Variants in CCDC141 observed in about 807,000 individuals in gnomAD.
CCDC141 encodes coiled-coil domain containing 141.
In CCDC141, 168 loss-of-function variants were observed where a neutral mutation model predicts 181.0. The ratio of observed to expected loss-of-function variants is 0.93; its 90% CI spans 0.82 to 1.05. CCDC141 has a LOEUF of 1.05. CCDC141 is among the 50% of genes least tolerant of loss of function. The pLI is 0.00. For synonymous variants in CCDC141, 666 were observed against 642.3 expected (o/e 1.04, Z -0.56); for missense variants, 1,902 against 1,788.5 (o/e 1.06, Z -1.14).
At chr2:178,966,190 C>A (rs781182871) in intron 4 of CCDC141, among the ~76,000 whole-genome samples, 4 of 152,230 alleles carry the variant, frequency 2.6e-5, no homozygotes, top group African/African-American at 7.2e-5. Context: ...ATGGGCGAAG[C>A]TTCAGCAGAC....
intron 2 of CCDC141, among the ~76,000 whole-genome samples, chr2:178,979,939 G>A (rs12469187): frequency 0.97 from 148,450 of 152,294 alleles, 72,449 homozygotes; most frequent in Middle Eastern, 1. Flanking sequence ...GATAAAATAC[G>A]TAGTATTAGA....
chr2:178,945,926 A>G (rs969120605), intron 5 of CCDC141, among the ~76,000 whole-genome samples: 6 of 152,036 alleles, frequency 3.9e-5, no homozygotes, highest in Non-Finnish European at 8.8e-5. Flanking sequence ...TATAGGGCTG[A>G]TATCACAAAG....
At chr2:178,907,268 T>C (rs776804552) in intron 7 of CCDC141, among the ~76,000 whole-genome samples, 3 of 152,198 alleles carry the variant, frequency 2.0e-5, no homozygotes, top group Non-Finnish European at 2.9e-5. Context: ...ATTATATGAC[T>C]GGGAAAACTG....
chr2:178,865,699 T>C lies in CCDC141; in HGVS notation c.2724+68A>G, dbSNP rs1004475662. On this transcript the variant is annotated intron_variant, in intron 17 of 23. Coordinates refer to ENST00000443758, the MANE Select transcript of CCDC141 (RefSeq NM_173648.4). The stretch of plus-strand genomic sequence containing the variant: ...TGGGAGTGTGCACAAATGTGGACAT[T>C]TAGACACATGCTTTAGGTTCAAACA... 9 of 1,363,488 alleles carry C rather than the reference T, an allele frequency of 6.6e-6. No individual in the cohort carries two copies. The African/African-American group carries it at 8.9e-5, about 13-fold the overall frequency. 84.5% of individuals were successfully genotyped at this position (1,363,488 alleles called of 1,614,324 possible). A position where few individuals can be genotyped will look rare whatever the true frequency, so the allele number is the denominator to read the frequency against.
At chr2:179,005,568 T>C (rs1055513039) in intron 2 of CCDC141, among the ~76,000 whole-genome samples, 1 of 152,166 alleles carries the variant, frequency 6.6e-6, no homozygotes, top group Non-Finnish European at 1.5e-5. Flanking sequence ...ACTACAAGAC[T>C]GTGTGGGACC....
intron 6 of CCDC141, among the ~76,000 whole-genome samples, chr2:178,923,248 G>A (rs1688778813): frequency 6.6e-6 from 1 of 150,394 alleles, no homozygotes; most frequent in South Asian, 2.1e-4. Flanking sequence ...GGGACTACAG[G>A]CGCCCGCCAC....
chr2:178,939,521 C>T (rs1689421955), intron 6 of CCDC141, among the ~76,000 whole-genome samples: 1 of 151,984 alleles, frequency 6.6e-6, no homozygotes, highest in South Asian at 2.1e-4. Context: ...GAAAATAGTA[C>T]CCTCAGTCCA....
chr2:178,888,888 T>G (rs1687014651), intron 8 of CCDC141, among the ~76,000 whole-genome samples: 1 of 152,210 alleles, frequency 6.6e-6, no homozygotes, highest in African/African-American at 2.4e-5. Context: ...TATGGGTTTT[T>G]GCAACAAGGT....
chr2:178,853,051 T>C (rs1685232096), intron 20 of CCDC141, among the ~76,000 whole-genome samples: 1 of 152,250 alleles, frequency 6.6e-6, no homozygotes, highest in African/African-American at 2.4e-5. Context: ...TTATGTCTTC[T>C]TAAAGTATTA....
At chr2:179,028,754 A>T (rs2042924743) in intron 2 of CCDC141, among the ~76,000 whole-genome samples, 1 of 152,210 alleles carries the variant, frequency 6.6e-6, no homozygotes, top group South Asian at 2.1e-4. Context: ...TGTTGCTATA[A>T]CAAAACCTTT....
Position 178,837,075 on chromosome 2 carries a change from A to G in CCDC141, c.4144T>C (p.Tyr1382His), listed in dbSNP as rs1408506484. Residue 1382 changes from tyrosine to histidine, a missense_variant, in exon 23 of 24, where the codon TAT (tyrosine) becomes CAT (histidine). Transcript: ENST00000443758. ...TCTCGAGGAACCATTTGCCTCTGAT[A>G]GCCCCTGCTGGTGCCTGATTGAAAC... ...LRFQSGTSRG[Y>H]QRQMVPREEI... 1 of 1,614,006 alleles carries G rather than the reference A, an allele frequency of 6.2e-7. No homozygotes were observed. The highest frequency in any genetic ancestry group is 1.7e-5 in the Admixed American group (1 of 59,998).
At chr2:178,921,037 C>T (rs2154374860) in intron 6 of CCDC141, among the ~76,000 whole-genome samples, 2 of 152,188 alleles carry the variant, frequency 1.3e-5, no homozygotes, top group East Asian at 3.9e-4. Flanking sequence ...AGAGGCAGTA[C>T]CAGGACTAGT....
intron 5 of CCDC141, among the ~76,000 whole-genome samples, chr2:178,953,466 C>T (rs1690040456): frequency 6.6e-6 from 1 of 151,544 alleles, no homozygotes; most frequent in African/African-American, 2.4e-5. Flanking sequence ...CATATTCTAT[C>T]AACCCCCAAA....
At chr2:178,951,588 G>A (rs933293617) in intron 5 of CCDC141, among the ~76,000 whole-genome samples, 26 of 152,276 alleles carry the variant, frequency 1.7e-4, no homozygotes, top group East Asian at 1.9e-4. Context: ...CTTTTGAGTT[G>A]TCTTTGGGGA....
At chr2:179,015,117 T>TATA (rs1491237710) in intron 2 of CCDC141, among the ~76,000 whole-genome samples, 2 of 18,632 alleles carry the variant, frequency 1.1e-4, no homozygotes, top group African/African-American at 2.5e-4. Flanking sequence ...ATATATATAA[T>TATA]CATATATATA....
rs1559048793 is a variant in CCDC141 at position 179,015,105 on chromosome 2, A to ATCATATATATATATATACATATATAT, written c.225+32178_225+32179insATATATATGTATATATATATATATGA. Among the ~76,000 whole-genome samples, 11 of 21,362 alleles carry ATCATATATATATATATACATATATAT rather than the reference A, an allele frequency of 5.1e-4. No homozygotes were observed. The East Asian group carries it at 8.8e-3, about 17-fold the overall frequency. The allele number at this position is 21,362 out of a possible 152,430, so 14.0% of individuals were successfully genotyped here. On this transcript the variant is annotated intron_variant, in intron 2 of 23. Transcript: ENST00000443758. ...ATATATATATATATATATATATATAATATATATATAATCATATATATATAT... is the reference window on the plus strand; with the variant it reads ...ATATATATATATATATATATATATAATCATATATATATATATACATATATATTATATATATAATCATATATATATAT...
intron 22 of CCDC141, among the ~76,000 whole-genome samples, chr2:178,840,635 G>A (rs920468322): frequency 1.3e-5 from 2 of 152,160 alleles, no homozygotes; most frequent in East Asian, 3.9e-4. Context: ...GAAGTCTGTG[G>A]TCGTCTAGAT....
rs528045190 is a variant in CCDC141 at position 178,933,621 on chromosome 2, C to T, written c.897+10914G>A. ...ACTCCCATTCAAACCGCAGTAGTTT[C>T]TTAAGTGATTTTCTGTCTTCTGTCT... On this transcript the variant is annotated intron_variant, in intron 6 of 23. Transcript: ENST00000443758. Among the ~76,000 whole-genome samples the T allele has an allele frequency of 7.9e-5, 12 of 152,294 alleles. No individual in the cohort carries two copies. In the East Asian group the frequency reaches 2.1e-3, roughly 27 times the overall value.
chr2:178,887,393 G>T (rs1686935571), intron 9 of CCDC141, among the ~76,000 whole-genome samples: 1 of 152,300 alleles, frequency 6.6e-6, no homozygotes, highest in Middle Eastern at 3.4e-3. Flanking sequence ...GGAGGACTAT[G>T]ATTTGATCCT....
Sources: gnomAD v4.1 joint callset for allele counts (sites outside exome capture counted in the v4.1 genomes callset) on GRCh38, gnomAD v4.1.1 for gene constraint, MANE v1.5 for transcripts, NCBI Gene and HGNC (gene_info 2026-07-23, HGNC 2026-07-21) for gene names.